Variants in STK31 observed in about 807,000 individuals in gnomAD.
STK31 encodes serine/threonine-protein kinase 31.
In STK31, 89 loss-of-function variants were observed where a neutral mutation model predicts 129.7. The ratio of observed to expected loss-of-function variants is 0.69; its 90% CI spans 0.58 to 0.82. The LOEUF (loss-of-function observed/expected upper bound fraction) is 0.82, where lower values mean the gene tolerates loss of function less well. Among genes scored for constraint, STK31 ranks in the 40% least tolerant of loss-of-function variants. STK31 has a pLI of 0.00. For missense variants in STK31, 1,187 were observed against 1,176.4 expected (o/e 1.01, Z -0.13); for synonymous variants, 448 against 395.3 (o/e 1.13, Z -1.58).
rs1037565560 is a variant in STK31, at chr7:23,737,041, T to C, written c.980T>C (p.Leu327Ser). ...GCTCTTCTTGAAAGTTATAAGGCGTTAGAATTGAAAGTAGAGCAGATTGCC... is the reference window on the plus strand; with the variant it reads ...GCTCTTCTTGAAAGTTATAAGGCGTCAGAATTGAAAGTAGAGCAGATTGCC... ...KDALLESYKALELKVEQIAQE... is the reference protein window; with the variant it reads ...KDALLESYKASELKVEQIAQE... The change falls in exon 8 of 24, where the codon TTA becomes TCA. Residue 327 changes from leucine to serine, a missense_variant. This residue lies in a region of STK31 where 975 missense variants were observed against 934.9 expected (regional missense o/e 1.04). Transcript: ENST00000355870. 7.4e-6 allele frequency: 12 copies of C among 1,611,092 alleles called. No homozygotes were observed. The highest frequency in any genetic ancestry group is 1.7e-5 in the Admixed American group (1 of 59,816).
At chr7:23,757,255 G>T (rs1349028733) in intron 10 of STK31, among the ~76,000 whole-genome samples, 1 of 152,062 alleles carries the variant, frequency 6.6e-6, no homozygotes, top group East Asian at 1.9e-4. Flanking sequence ...CTCGTCAGGT[G>T]GAACGAGAGA....
Position 23,754,333 on chromosome 7 carries a change from C to T in STK31, c.1152C>T (p.Val384=), listed in dbSNP as rs1379520625. 1.2e-6 allele frequency: 2 copies of T among 1,610,772 alleles called. No individual in the cohort carries two copies. Among genetic ancestry groups the T allele is most frequent in the Admixed American group, 1.7e-5 (1 of 59,110 alleles). Residue 384 remains valine (V), a synonymous_variant, in exon 10 of 24, where the codon GTC becomes GTT. Transcript: ENST00000355870. ...LKEMRHVDIS[V]RFGKDLSDAI... ...AAAATAGGCATGTCGACATCAGTGTCCGTTTCGGAAAAGACCTTTCAGATG... is the reference window on the plus strand; with the variant it reads ...AAAATAGGCATGTCGACATCAGTGTTCGTTTCGGAAAAGACCTTTCAGATG...
At chr7:23,742,922 G>A (rs1788134316) in intron 8 of STK31, among the ~76,000 whole-genome samples, 1 of 147,828 alleles carries the variant, frequency 6.8e-6, no homozygotes, top group African/African-American at 2.5e-5. Flanking sequence ...TGTTTTACTT[G>A]TGTGTTTGCT....
At chr7:23,727,378 T>G in intron 5 of STK31, 63 bp downstream of exon 5, 1 of 1,461,650 alleles carries the variant, frequency 6.8e-7, no homozygotes, top group Non-Finnish European at 9.6e-7. Context: ...TTCAAAAATT[T>G]GATGCTTATT....
chr7:23,726,732 A>C (rs901906846), intron 4 of STK31, among the ~76,000 whole-genome samples: 1 of 152,174 alleles, frequency 6.6e-6, no homozygotes, highest in African/African-American at 2.4e-5. Flanking sequence ...GATATTATCT[A>C]ATTTAGTTTT....
At chr7:23,797,853 A>G (rs369235392) in intron 22 of STK31, among the ~76,000 whole-genome samples, 3 of 152,320 alleles carry the variant, frequency 2.0e-5, no homozygotes, top group East Asian at 3.9e-4. Context: ...AACAAAATAG[A>G]TAGACCACTA....
At chr7:23,747,562 G>GT (rs909495873) in intron 8 of STK31, among the ~76,000 whole-genome samples, 1 of 151,964 alleles carries the variant, frequency 6.6e-6, no homozygotes, top group African/African-American at 2.4e-5. Context: ...TAGAGACGGG[G>GT]TTTCACTATG....
chr7:23,737,273 C>A (rs1182175860), intron 8 of STK31, among the ~76,000 whole-genome samples, 195 bp downstream of exon 8: 1 of 152,104 alleles, frequency 6.6e-6, no homozygotes, highest in Non-Finnish European at 1.5e-5. Context: ...TGGATGTTTG[C>A]AAATTTAATA....
At chr7:23,714,360 A>T (rs1036872949) in intron 3 of STK31, among the ~76,000 whole-genome samples, 1 of 152,194 alleles carries the variant, frequency 6.6e-6, no homozygotes, top group Non-Finnish European at 1.5e-5. Context: ...GATAAATTAT[A>T]TTTAAGCTTA....
intron 6 of STK31, 106 bp downstream of exon 6, chr7:23,729,355 A>G (rs1234371619): frequency 1.9e-6 from 2 of 1,049,244 alleles, no homozygotes; most frequent in Non-Finnish European, 2.6e-6. Context: ...GTCTGTATAA[A>G]TTAGTGAAAA....
intron 10 of STK31, among the ~76,000 whole-genome samples, chr7:23,762,407 G>C (rs1008394039): frequency 2.0e-5 from 3 of 152,114 alleles, no homozygotes; most frequent in African/African-American, 7.2e-5. Flanking sequence ...AACACAGCCT[G>C]TTGGACAAAT....
chr7:23,787,057 C>A, intron 20 of STK31, 133 bp downstream of exon 20: 1 of 786,378 alleles, frequency 1.3e-6, no homozygotes, highest in Admixed American at 2.4e-5. Context: ...TCACCTCAAG[C>A]CTGTGATAGA....
Position 23,710,262 on chromosome 7 carries a change from C to A in STK31, c.-24C>A, listed in dbSNP as rs772803310. On this transcript the variant is annotated 5_prime_UTR_variant, in exon 1 of 24. Coordinates refer to ENST00000355870, the MANE Select transcript of STK31 (RefSeq NM_031414.5). ...GTAAGCCGCTGCACGTGTGCTACGG[C>A]GGGCGGAGGGCCGAAAGTCCAGTAT... The A allele has an allele frequency of 4.4e-6, 7 of 1,609,066 alleles. No individual in the cohort carries two copies. The highest frequency in any genetic ancestry group is 1.7e-6 in the Non-Finnish European group (2 of 1,178,868).
At chr7:23,794,059 T>C (rs1251593114) in intron 22 of STK31, among the ~76,000 whole-genome samples, 2 of 152,212 alleles carry the variant, frequency 1.3e-5, no homozygotes, top group African/African-American at 4.8e-5. Flanking sequence ...AATAAAACGA[T>C]TGAACTATAA....
rs746085044 is a variant in STK31 at position 23,742,342 on chromosome 7, A to G, written c.1017+5264A>G. On this transcript the variant is annotated intron_variant, in intron 8 of 23. Coordinates refer to ENST00000355870, the MANE Select transcript of STK31 (RefSeq NM_031414.5). Reference sequence around the variant, plus strand: ...GTGACAAGTATCCTCCTGGGGGTGCATGGGCATGCTTGTTCTCCCTCTCCT... The same window carrying G: ...GTGACAAGTATCCTCCTGGGGGTGCGTGGGCATGCTTGTTCTCCCTCTCCT... 2.8e-4 allele frequency among the ~76,000 whole-genome samples: 42 copies of G among 152,178 alleles called. 1 individual carries two copies. The highest frequency in any genetic ancestry group is 1.0e-3 in the South Asian group (5 of 4,830).
intron 22 of STK31, among the ~76,000 whole-genome samples, chr7:23,810,716 G>GAT (rs1487473096): frequency 3.2e-3 from 122 of 38,088 alleles, no homozygotes; most frequent in African/African-American, 0.013. Flanking sequence ...ATATAAAATA[G>GAT]ATATATATAA....
At chr7:23,770,893 A>T in intron 13 of STK31, 112 bp from the exon 14 acceptor site, 1 of 1,111,134 alleles carries the variant, frequency 9.0e-7, no homozygotes, top group Non-Finnish European at 1.3e-6. Context: ...TTTTGAAATC[A>T]CTGCGGAAAT....
intron 4 of STK31, chr7:23,721,526 C>A: frequency 1.1e-6 from 1 of 951,680 alleles, no homozygotes; most frequent in Non-Finnish European, 1.7e-6. Flanking sequence ...TGTGTTAGTT[C>A]TCTGTTTAAC....
At chr7:23,727,586 GGA>G in intron 5 of STK31, 1 of 266,886 alleles carries the variant, frequency 3.7e-6, no homozygotes. Flanking sequence ...TTTTTGAGAT[GGA>G]GTCTTTCTGT....
Sources: gnomAD v4.1 joint callset for allele counts (sites outside exome capture counted in the v4.1 genomes callset) on GRCh38, gnomAD v4.1.1 for gene constraint, gnomAD v4.1.1 regional missense constraint, MANE v1.5 for transcripts, NCBI Gene and HGNC (gene_info 2026-07-23, HGNC 2026-07-21) for gene names.